CNTNAP2: variants seen among roughly 807,000 people sequenced by gnomAD.
The protein encoded by CNTNAP2 is contactin associated protein 2.
A neutral mutation model predicts 155.2 loss-of-function variants in CNTNAP2; 98 were observed. That is an observed-to-expected ratio of 0.63 (90% confidence interval 0.54 to 0.75). The LOEUF (loss-of-function observed/expected upper bound fraction) is 0.75. CNTNAP2 is among the 30% of genes least tolerant of loss of function. The pLI is 0.00. For missense variants in CNTNAP2, 1,727 were observed against 1,688.1 expected (o/e 1.02, Z -0.40); for synonymous variants, 651 against 631.2 (o/e 1.03, Z -0.47).
At chr7:148,067,354 G>A (rs1004914390) in intron 15 of CNTNAP2, among the ~76,000 whole-genome samples, 3 of 152,192 alleles carry the variant, frequency 2.0e-5, no homozygotes, top group Non-Finnish European at 4.4e-5. Flanking sequence ...CTGGACTGCA[G>A]TGATTGTTAT....
chr7:147,451,193 A>G lies in CNTNAP2; in HGVS notation c.1671-34742A>G, dbSNP rs1797827391. ...CCTTACATGATTGCAGAACACAACT[A>G]AAAAATCTGCATAGAAACAAGAGCC... On this transcript the variant is annotated intron_variant, in intron 10 of 23. Coordinates refer to ENST00000361727, the MANE Select transcript of CNTNAP2 (RefSeq NM_014141.6). 2.0e-5 allele frequency among the ~76,000 whole-genome samples: 3 copies of G among 152,182 alleles called. No homozygotes were observed. In the South Asian group the frequency reaches 6.2e-4, roughly 31 times the overall value.
chr7:147,666,916 T>C (rs1208019568), intron 13 of CNTNAP2, among the ~76,000 whole-genome samples: 3 of 152,182 alleles, frequency 2.0e-5, no homozygotes, highest in Non-Finnish European at 4.4e-5. Flanking sequence ...ATCTTCTTCA[T>C]TGAAGGCAAT....
chr7:146,752,518 G>C (rs767462352), intron 1 of CNTNAP2, among the ~76,000 whole-genome samples: 1 of 152,078 alleles, frequency 6.6e-6, no homozygotes, highest in Non-Finnish European at 1.5e-5. Flanking sequence ...CTGGATATTA[G>C]ACCTTTGTCA....
intron 1 of CNTNAP2, among the ~76,000 whole-genome samples, chr7:146,649,497 A>T (rs937677416): frequency 2.0e-5 from 3 of 152,200 alleles, no homozygotes; most frequent in Admixed American, 2.0e-4. Flanking sequence ...AAATGAAAAC[A>T]TGAGTTTTTC....
intron 12 of CNTNAP2, among the ~76,000 whole-genome samples, chr7:147,594,331 T>A (rs1800789855): frequency 6.6e-6 from 1 of 152,080 alleles, no homozygotes; most frequent in Non-Finnish European, 1.5e-5. Context: ...CTTCGGGCTG[T>A]GGCTTCAGGA....
At chr7:148,131,849 T>A (rs1585142779) in intron 16 of CNTNAP2, among the ~76,000 whole-genome samples, 1 of 146,388 alleles carries the variant, frequency 6.8e-6, no homozygotes, top group Non-Finnish European at 1.5e-5. Context: ...AAGCTGGCTT[T>A]AAAAAAAAAA....
At chr7:147,957,738 T>G (rs1394495974) in intron 14 of CNTNAP2, among the ~76,000 whole-genome samples, 1 of 152,186 alleles carries the variant, frequency 6.6e-6, no homozygotes, top group Non-Finnish European at 1.5e-5. Context: ...GATACATATA[T>G]ATTAAATGGA....
At chr7:147,510,477 C>T (rs1321818293) in intron 11 of CNTNAP2, among the ~76,000 whole-genome samples, 1 of 151,340 alleles carries the variant, frequency 6.6e-6, no homozygotes, top group Non-Finnish European at 1.5e-5. Flanking sequence ...GGATAGCAGA[C>T]AAGGAAATAT....
At chr7:146,599,760 A>AGATAGATAGATAGAT (rs1307437598) in intron 1 of CNTNAP2, among the ~76,000 whole-genome samples, 18 of 151,668 alleles carry the variant, frequency 1.2e-4, no homozygotes, top group African/African-American at 4.1e-4. Flanking sequence ...ATAGATAGAT[A>AGATAGATAGATAGAT]GATAGATAGA....
chr7:147,464,962 A>T (rs1798092106), intron 10 of CNTNAP2, among the ~76,000 whole-genome samples: 1 of 152,224 alleles, frequency 6.6e-6, no homozygotes, highest in South Asian at 2.1e-4. Context: ...ATACACCATG[A>T]AAAACTATGC....
At chr7:146,719,923 A>G (rs1007793931) in intron 1 of CNTNAP2, among the ~76,000 whole-genome samples, 5 of 152,178 alleles carry the variant, frequency 3.3e-5, no homozygotes, top group African/African-American at 1.2e-4. Flanking sequence ...TACATTGCAG[A>G]AAGACCTGCA....
At chr7:146,817,396 C>T (rs1007829741) in intron 2 of CNTNAP2, among the ~76,000 whole-genome samples, 8 of 151,304 alleles carry the variant, frequency 5.3e-5, no homozygotes, top group African/African-American at 1.5e-4. Context: ...TGCTTGAACC[C>T]GGGAGGCGGA....
intron 1 of CNTNAP2, among the ~76,000 whole-genome samples, chr7:146,660,255 C>T (rs886961704): frequency 1.3e-5 from 2 of 152,054 alleles, no homozygotes; most frequent in Non-Finnish European, 2.9e-5. Flanking sequence ...TCTAGTTTAT[C>T]CACCATTGAA....
chr7:146,848,072 C>T (rs553104074), intron 3 of CNTNAP2, among the ~76,000 whole-genome samples: 1 of 152,172 alleles, frequency 6.6e-6, no homozygotes, highest in East Asian at 1.9e-4. Context: ...GCTGGTTAGC[C>T]ATGAAAGGAC....
intron 9 of CNTNAP2, among the ~76,000 whole-genome samples, chr7:147,366,796 C>T (rs1472683523): frequency 7.0e-6 from 1 of 142,128 alleles, no homozygotes; most frequent in East Asian, 1.9e-4. Context: ...CACACACACA[C>T]ACACACACAC....
chr7:146,654,281 A>G (rs1799960952), intron 1 of CNTNAP2, among the ~76,000 whole-genome samples: 1 of 151,958 alleles, frequency 6.6e-6, no homozygotes, highest in Non-Finnish European at 1.5e-5. Flanking sequence ...TCTCAGCAGG[A>G]CAGCGGCTCC....
chr7:147,310,184 A>T (rs933816010), intron 9 of CNTNAP2, among the ~76,000 whole-genome samples: 4 of 152,136 alleles, frequency 2.6e-5, no homozygotes, highest in African/African-American at 7.2e-5. Context: ...CATTACAATT[A>T]TTGTGATATT....
intron 3 of CNTNAP2, among the ~76,000 whole-genome samples, chr7:146,860,719 C>G (rs1047660688): frequency 6.6e-6 from 1 of 151,072 alleles, no homozygotes; most frequent in Non-Finnish European, 1.5e-5. Flanking sequence ...AAGTATTTAT[C>G]AAATGATTGA....
At chr7:148,223,015 T>C (rs778503213) in intron 19 of CNTNAP2, among the ~76,000 whole-genome samples, 3 of 152,220 alleles carry the variant, frequency 2.0e-5, no homozygotes, top group Non-Finnish European at 4.4e-5. Context: ...ACAGTTATTA[T>C]TTCCCAGGTC....
Sources: allele counts gnomAD v4.1 joint callset (sites outside exome capture counted in the v4.1 genomes callset), GRCh38; gene constraint gnomAD v4.1.1; transcripts MANE v1.5; gene names NCBI Gene and HGNC (gene_info 2026-07-23, HGNC 2026-07-21).